The following NEURL4 variants were observed in gnomAD, a reference collection of about 807,000 sequenced individuals.
The protein encoded by NEURL4 is neuralized-like protein 4.
In NEURL4, 45 loss-of-function variants were observed where a neutral mutation model predicts 148.0. That is an observed-to-expected ratio of 0.30 (90% CI 0.24 to 0.39). The LOEUF (loss-of-function observed/expected upper bound fraction) is 0.39. NEURL4 is among the 10% of genes least tolerant of loss of function. The probability of loss-of-function intolerance (pLI) is 1.00; values close to 1 mark genes in which losing one functional copy is unlikely to be tolerated. For synonymous variants in NEURL4, 854 were observed against 869.0 expected (o/e 0.98, Z 0.30); for missense variants, 1,776 against 2,144.0 (o/e 0.83, Z 3.39).
chr17:7,318,672 G>A lies in NEURL4; in HGVS notation c.3687C>T (p.Ile1229=). ...GRGVFHNGLK[I]CEKFGPNLDT... Reference sequence around the variant, plus strand: ...CCAGATTGGGCCCAAACTTCTCGCAGATCTGGGAGGAGAGACCGGCTGTCT... The same window carrying A: ...CCAGATTGGGCCCAAACTTCTCGCAAATCTGGGAGGAGAGACCGGCTGTCT... The change falls in exon 23 of 29, where the codon ATC becomes ATT. Residue 1229 remains isoleucine, a splice_region_variant and synonymous_variant. Transcript: ENST00000399464. The surrounding 1 kb of genome is among the most constrained non-coding windows in gnomAD (Gnocchi z 4.3). 1 of 1,604,616 alleles carries A rather than the reference G, an allele frequency of 6.2e-7. No homozygotes were observed. The highest frequency in any genetic ancestry group is 8.5e-7 in the Non-Finnish European group (1 of 1,174,604).
At position 7,327,081 on chromosome 17, in the gene NEURL4, C is replaced by T; in HGVS notation, c.794-72G>A. On this transcript the variant is annotated intron_variant, in intron 3 of 28. Coordinates refer to ENST00000399464, the MANE Select transcript of NEURL4 (RefSeq NM_032442.3). The surrounding 1 kb of genome is among the most constrained non-coding windows in gnomAD (Gnocchi z 6.6). ...CTCTACACCCCCAGACCTGGTGCCT[C>T]TCTCCCTACCCCTTCTCCTGAGGGC... is the stretch of plus-strand genomic sequence containing the variant. 3 of 1,599,852 alleles carry T rather than the reference C, an allele frequency of 1.9e-6. No homozygotes were observed. Among genetic ancestry groups the T allele is most frequent in the South Asian group, 1.1e-5 (1 of 90,868 alleles).
Position 7,321,994 on chromosome 17 carries a change from G to A in NEURL4, c.2742C>T (p.His914=). 1.2e-6 allele frequency: 2 copies of A among 1,608,384 alleles called. No individual in the cohort carries two copies. Among genetic ancestry groups the A allele is most frequent in the Non-Finnish European group, 1.7e-6 (2 of 1,178,094 alleles). The change falls in exon 17 of 29, where the codon CAC becomes CAT. Residue 914 remains histidine (H), a synonymous_variant. Coordinates refer to ENST00000399464, the MANE Select transcript of NEURL4 (RefSeq NM_032442.3). The surrounding 1 kb of genome is among the most constrained non-coding windows in gnomAD (Gnocchi z 6.3). ...TCTTGCCGCAAGTACTGTGGAATCG[G>A]TGAGCCACGCCAGCCACTGTGAAGA... is the stretch of plus-strand genomic sequence containing the variant. ...PLHSPVAGVA[H]RFHSTCGKNV...
Position 7,322,645 on chromosome 17 carries a change from C to T in NEURL4, c.2725+90G>A. 6.6e-7 allele frequency: 1 copy of T among 1,524,288 alleles called. No individual in the cohort carries two copies. 94.4% of individuals were successfully genotyped at this position (1,524,288 alleles called of 1,614,324 possible). A position where few individuals can be genotyped will look rare whatever the true frequency, so the allele number is the denominator to read the frequency against. Reference sequence around the variant, plus strand: ...GCCGGCAGCTACCCCAGCCAACCGTCTTTGCAGAACCTCTCTAACCTGGAA... The same window carrying T: ...GCCGGCAGCTACCCCAGCCAACCGTTTTTGCAGAACCTCTCTAACCTGGAA... On this transcript the variant is annotated intron_variant, in intron 16 of 28. Transcript: ENST00000399464. This position sits in a 1 kb window ranked among gnomAD's most constrained non-coding sequence, Gnocchi z 5.5.
intron 14 of NEURL4, 79 bp downstream of exon 14, chr17:7,323,406 C>A: frequency 1.4e-6 from 2 of 1,454,774 alleles, no homozygotes; most frequent in East Asian, 2.3e-5. Context: ...CCACAGCCAC[C>A]ATAGGCCCAA....
rs2072933634 is a variant in NEURL4, at chr17:7,315,800, A to C, written c.*323T>G. The stretch of plus-strand genomic sequence containing the variant: ...TCCTCTGGGATTCACAGTAACCAGA[A>C]ACAAAAACGGAAATAAATTAAGTGA... On this transcript the variant is annotated 3_prime_UTR_variant, in exon 29 of 29. Transcript: ENST00000399464. The C allele has an allele frequency of 5.8e-6, 3 of 515,916 alleles. No homozygotes were observed. The highest frequency in any genetic ancestry group is 1.0e-5 in the Non-Finnish European group (3 of 292,330). 32.0% of individuals were successfully genotyped at this position (515,916 alleles called of 1,614,324 possible). A position where few individuals can be genotyped will look rare whatever the true frequency, so the allele number is the denominator to read the frequency against.
rs368613388 is a variant in NEURL4, at chr17:7,319,916, G to A, written c.3526-708C>T. Among the ~76,000 whole-genome samples, 10 of 151,626 alleles carry A rather than the reference G, an allele frequency of 6.6e-5. No homozygotes were observed. In the East Asian group the frequency reaches 1.4e-3, roughly 21 times the overall value. On this transcript the variant is annotated intron_variant, in intron 21 of 28. Coordinates refer to ENST00000399464, the MANE Select transcript of NEURL4 (RefSeq NM_032442.3). ...GCGATCTCGGCTCACTGCAAGCTCC[G>A]CCTCCTGGGTTCAAGCCATTCTCCT...
At chr17:7,319,705 AAAAC>A (rs1567619191) in intron 21 of NEURL4, among the ~76,000 whole-genome samples, 1 of 102,030 alleles carries the variant, frequency 9.8e-6, no homozygotes, top group Non-Finnish European at 2.1e-5. Context: ...CGTCTCAAAA[AAAAC>A]AAAAAAACAA....
At position 7,318,188 on chromosome 17, in the gene NEURL4, G is replaced by A; in HGVS notation, c.3953-16C>T. On this transcript the variant is annotated splice_polypyrimidine_tract_variant and intron_variant, in intron 24 of 28. Coordinates refer to ENST00000399464, the MANE Select transcript of NEURL4 (RefSeq NM_032442.3). The surrounding 1 kb of genome is among the most constrained non-coding windows in gnomAD (Gnocchi z 4.3). ...TCTTTGATACCTGAGGGAGCAGAGG[G>A]GCACAGGTCACAGGAGCTGGGCTAG... 1 of 1,612,750 alleles carries A rather than the reference G, an allele frequency of 6.2e-7. No individual in the cohort carries two copies. Among genetic ancestry groups the A allele is most frequent in the East Asian group, 2.2e-5 (1 of 44,886 alleles).
chr17:7,325,174 C>T, intron 8 of NEURL4, 35 bp downstream of exon 8: 2 of 620,404 alleles, frequency 3.2e-6, no homozygotes, highest in African/African-American at 2.6e-5. Flanking sequence ...ATTAGAATCC[C>T]TTCTTCAGGC....
intron 1 of NEURL4, among the ~76,000 whole-genome samples, chr17:7,328,372 C>T (rs548214049): frequency 6.6e-6 from 1 of 152,348 alleles, no homozygotes; most frequent in East Asian, 1.9e-4. Context: ...CCTCACCTAT[C>T]TTTCTGGCAC....
rs778471132 is a variant in NEURL4 at position 7,320,832 on chromosome 17, G to A, written c.3452C>T (p.Ala1151Val). 6.2e-7 allele frequency: 1 copy of A among 1,614,082 alleles called. No homozygotes were observed. The change falls in exon 21 of 29, where the codon GCC becomes GTC. Residue 1151 changes from alanine (A) to valine (V), a missense_variant. By Grantham distance (64) the Ala-to-Val change is moderately conservative. Coordinates refer to ENST00000399464, the MANE Select transcript of NEURL4 (RefSeq NM_032442.3). ...CTGATTGTAGCTGGCCACCCGTGTG[G>A]CCGTACGGTTCCCATTAGACAAAAG... The part of the protein sequence containing the change: ...NILLSNGNRT[A>V]TRVASYNQGI...
chr17:7,319,635 G>T (rs187827893), intron 21 of NEURL4, among the ~76,000 whole-genome samples: 192 of 150,130 alleles, frequency 1.3e-3, no homozygotes, highest in African/African-American at 4.6e-3. Flanking sequence ...GGGAGGTGGA[G>T]GTTGCGGTGA....
At chr17:7,328,991 C>A in intron 1 of NEURL4, 40 bp downstream of exon 1, 1 of 1,501,310 alleles carries the variant, frequency 6.7e-7, no homozygotes, top group Admixed American at 2.1e-5. Context: ...ACGCCTCCCA[C>A]CACCCTCCAC....
At chr17:7,316,423 G>A in intron 28 of NEURL4, 96 bp from the exon 29 acceptor site, 2 of 958,050 alleles carry the variant, frequency 2.1e-6, no homozygotes, top group Non-Finnish European at 3.2e-6. Flanking sequence ...GCTGTACCTA[G>A]GAAATACTCC....
At position 7,325,674 on chromosome 17, in the gene NEURL4, C is replaced by A; in HGVS notation, c.1333G>T (p.Ala445Ser). 1.2e-6 allele frequency: 2 copies of A among 1,613,734 alleles called. No individual in the cohort carries two copies. The highest frequency in any genetic ancestry group is 1.7e-6 in the Non-Finnish European group (2 of 1,179,932). Residue 445 changes from alanine (A) to serine (S), a missense_variant, in exon 7 of 29, where the codon GCC (alanine) becomes TCC (serine). Transcript: ENST00000399464. ...ATACCATTAATGAAGAAGTGTAGGG[C>A]AGAGTTGGACTTCCTTGTGAGGCCA... is the stretch of plus-strand genomic sequence containing the variant. The part of the protein sequence containing the change: ...HIGLTRKSNS[A>S]LHFFINGIDQ...
At position 7,317,354 on chromosome 17, in the gene NEURL4, C is replaced by G. The variant is rs2072962698; in HGVS notation, c.4335G>C (p.Leu1445=). The G allele has an allele frequency of 1.3e-6, 2 of 1,563,158 alleles. No individual in the cohort carries two copies. Among genetic ancestry groups the G allele is most frequent in the African/African-American group, 2.7e-5 (2 of 73,674 alleles). Residue 1445 remains leucine (L), a synonymous_variant, in exon 28 of 29, where the codon CTG becomes CTC. Coordinates refer to ENST00000399464, the MANE Select transcript of NEURL4 (RefSeq NM_032442.3). ...GELGAGTASI[L]SCRPLKGEPG... is the part of the protein sequence containing the mutation. ...GTTCTCCCTTCAAAGGACGGCAGCT[C>G]AGGATGGAGGCAGTACCTGGGAGGA...
rs766816280 is a variant in NEURL4 at position 7,325,634 on chromosome 17, C to G, written c.1366+7G>C. The stretch of plus-strand genomic sequence containing the variant: ...CGGCCCAGAGGCTCTCTCTGGGCGG[C>G]CCTTACCCTGATCGATACCATTAAT... On this transcript the variant is annotated splice_region_variant and intron_variant, in intron 7 of 28. Coordinates refer to ENST00000399464, the MANE Select transcript of NEURL4 (RefSeq NM_032442.3). 2 of 1,613,432 alleles carry G rather than the reference C, an allele frequency of 1.2e-6. No homozygotes were observed. The highest frequency in any genetic ancestry group is 2.2e-5 in the South Asian group (2 of 91,054).
intron 1 of NEURL4, 108 bp downstream of exon 1, chr17:7,328,923 C>A: frequency 5.5e-6 from 6 of 1,085,448 alleles, no homozygotes; most frequent in East Asian, 3.0e-5. Flanking sequence ...TCTTTCTGTT[C>A]CCTCTCGGTG....
Position 7,327,912 on chromosome 17 carries a change from T to C in NEURL4, c.283-28A>G. On this transcript the variant is annotated intron_variant, in intron 1 of 28. Transcript: ENST00000399464. This position sits in a 1 kb window ranked among gnomAD's most constrained non-coding sequence, Gnocchi z 6.6. The stretch of plus-strand genomic sequence containing the variant: ...GGGATAGGGGTATTGGACAGAGGCT[T>C]AGAATGGGCCACCCCCCATTCCACA... 2.0e-6 allele frequency: 3 copies of C among 1,531,008 alleles called. No individual in the cohort carries two copies. The highest frequency in any genetic ancestry group is 2.7e-6 in the Non-Finnish European group (3 of 1,131,722). The allele number at this position is 1,531,008 out of a possible 1,614,324, so 94.8% of individuals were successfully genotyped here.
Sources: allele counts gnomAD v4.1 joint callset (sites outside exome capture counted in the v4.1 genomes callset), GRCh38; gene constraint gnomAD v4.1.1; non-coding constraint Gnocchi (gnomAD v3.1); transcripts MANE v1.5; gene names NCBI Gene and HGNC (gene_info 2026-07-23, HGNC 2026-07-21).